Variants in ATP8A2 observed in about 807,000 individuals in gnomAD.
The protein encoded by ATP8A2 is phospholipid-transporting ATPase IB.
In ATP8A2, 100 loss-of-function variants were observed where a neutral mutation model predicts 165.6. That is an observed-to-expected ratio of 0.60 (90% CI 0.51 to 0.71). The LOEUF (loss-of-function observed/expected upper bound fraction) is 0.71, where lower values mean the gene tolerates loss of function less well. ATP8A2 is among the 30% of genes least tolerant of loss of function. ATP8A2 has a pLI of 0.00. For missense variants in ATP8A2, 1,227 were observed against 1,479.5 expected, an observed-to-expected ratio of 0.83 and a Z score of 2.80; for synonymous variants, 543 against 548.8, an observed-to-expected ratio of 0.99 and a Z score of 0.15.
chr13:25,949,015 C>T (rs1316541482), intron 33 of ATP8A2, among the ~76,000 whole-genome samples: 1 of 152,240 alleles, frequency 6.6e-6, no homozygotes, highest in African/African-American at 2.4e-5. Context: ...GGCCCTTCCT[C>T]AGCGGTGCCT....
chr13:25,682,628 G>A (rs1021031396), intron 24 of ATP8A2, among the ~76,000 whole-genome samples: 13 of 152,184 alleles, frequency 8.5e-5, no homozygotes, highest in Admixed American at 2.0e-4. Context: ...CAGGCTGGCC[G>A]ATTGAGTTAC....
At position 25,762,268 on chromosome 13, in the gene ATP8A2, C is replaced by CAAAAAAAAAAAA. The variant is rs59081934; in HGVS notation, c.2385-6761_2385-6750dup. 7.7e-4 allele frequency among the ~76,000 whole-genome samples: 32 copies of CAAAAAAAAAAAA among 41,308 alleles called. 9 individuals carry two copies. Among genetic ancestry groups the CAAAAAAAAAAAA allele is most frequent in the African/African-American group, 1.6e-3 (15 of 9,246 alleles). The allele number at this position is 41,308 out of a possible 152,430, so 27.1% of individuals were successfully genotyped here. ...TGGGTGATGGAGTGAGACTCTGTCTCAAAAAAAAAAAAAAAAAAAAAAAAA... is the reference window on the plus strand; with the variant it reads ...TGGGTGATGGAGTGAGACTCTGTCTCAAAAAAAAAAAAAAAAAAAAAAAAAAAAAAAAAAAAA... On this transcript the variant is annotated intron_variant, in intron 25 of 36. Transcript: ENST00000381655.
At chr13:25,929,072 G>C (rs139258251) in intron 33 of ATP8A2, among the ~76,000 whole-genome samples, 1 of 152,124 alleles carries the variant, frequency 6.6e-6, no homozygotes, top group East Asian at 1.9e-4. Context: ...GTTATGTTCT[G>C]CATCTCTGTG....
chr13:25,527,175 T>A (rs2037868407), intron 2 of ATP8A2, among the ~76,000 whole-genome samples: 1 of 152,208 alleles, frequency 6.6e-6, no homozygotes. Context: ...GCCACCATTT[T>A]GGAACCAGAA....
At chr13:25,808,353 C>T (rs1187268520) in intron 27 of ATP8A2, among the ~76,000 whole-genome samples, 3 of 151,988 alleles carry the variant, frequency 2.0e-5, no homozygotes, top group African/African-American at 7.2e-5. Context: ...AATCCCAGCA[C>T]TTTGGGAGGC....
intron 1 of ATP8A2, among the ~76,000 whole-genome samples, chr13:25,416,354 T>G (rs2034132697): frequency 6.6e-6 from 1 of 152,244 alleles, no homozygotes; most frequent in South Asian, 2.1e-4. Context: ...ATTGGCAGCC[T>G]GCAGATGGTA....
At chr13:25,553,945 C>T (rs1383485102) in intron 12 of ATP8A2, 25 bp downstream of exon 12, 1 of 1,596,790 alleles carries the variant, frequency 6.3e-7, no homozygotes, top group South Asian at 1.1e-5. Context: ...AGAGTTGAAT[C>T]ACTATTTTCC....
chr13:25,566,950 C>T (rs912035436), intron 16 of ATP8A2, among the ~76,000 whole-genome samples: 2 of 152,162 alleles, frequency 1.3e-5, no homozygotes, highest in Non-Finnish European at 2.9e-5. Context: ...AGAGGAATCC[C>T]ATTCTCTTTG....
chr13:25,714,239 CT>C (rs1403726430), intron 25 of ATP8A2, among the ~76,000 whole-genome samples: 2 of 152,170 alleles, frequency 1.3e-5, no homozygotes, highest in African/African-American at 2.4e-5. Flanking sequence ...CCCTTGCTTT[CT>C]GTGTCCCGGC....
intron 24 of ATP8A2, among the ~76,000 whole-genome samples, chr13:25,628,127 C>A (rs1593682303): frequency 6.6e-6 from 1 of 152,128 alleles, no homozygotes; most frequent in South Asian, 2.1e-4. Context: ...TTCCACAAAG[C>A]CTGACTGGAC....
intron 33 of ATP8A2, among the ~76,000 whole-genome samples, chr13:25,923,381 G>A (rs1207269709): frequency 1.3e-5 from 2 of 152,238 alleles, no homozygotes; most frequent in East Asian, 1.9e-4. Flanking sequence ...GTAAGCTGCA[G>A]TCCACAGCTG....
chr13:25,592,819 A>G (rs1218117559), intron 24 of ATP8A2, among the ~76,000 whole-genome samples: 5 of 152,220 alleles, frequency 3.3e-5, no homozygotes, highest in Non-Finnish European at 7.3e-5. Context: ...TTGTGACGCC[A>G]AACTGAGAAG....
intron 22 of ATP8A2, 68 bp downstream of exon 22, chr13:25,580,015 G>C (rs1023528294): frequency 8.2e-5 from 128 of 1,558,856 alleles, no homozygotes; most frequent in Non-Finnish European, 1.1e-4. Flanking sequence ...CAAAGTATTT[G>C]AACAGGAATC....
At chr13:25,705,155 C>G in intron 25 of ATP8A2, 2 of 431,360 alleles carry the variant, frequency 4.6e-6, no homozygotes, top group South Asian at 1.7e-5. Context: ...TTCCCTTTTT[C>G]TTTGAAGGTC....
At chr13:25,938,833 TC>T (rs1354350153) in intron 33 of ATP8A2, among the ~76,000 whole-genome samples, 2 of 150,622 alleles carry the variant, frequency 1.3e-5, no homozygotes, top group Non-Finnish European at 2.9e-5. Flanking sequence ...ATTTCCATCA[TC>T]CCTTCTCCTT....
chr13:25,450,617 C>T lies in ATP8A2; in HGVS notation c.77-18360C>T, dbSNP rs547516631. The stretch of plus-strand genomic sequence containing the variant: ...TGTGATCTCGGCTCACTGCAAGCTC[C>T]GCCTCCCGGGTTCACGCCATTCTCC... On this transcript the variant is annotated intron_variant, in intron 1 of 36. Coordinates refer to ENST00000381655, the MANE Select transcript of ATP8A2 (RefSeq NM_016529.6). Among the ~76,000 whole-genome samples the T allele has an allele frequency of 4.2e-4, 64 of 151,954 alleles. No individual in the cohort carries two copies. In the South Asian group the frequency reaches 4.6e-3, roughly 11 times the overall value.
intron 26 of ATP8A2, among the ~76,000 whole-genome samples, chr13:25,769,936 C>A (rs1364886472): frequency 6.6e-6 from 1 of 152,126 alleles, no homozygotes; most frequent in Admixed American, 6.5e-5. Context: ...AGGTCCACTC[C>A]GTAATGATAG....
At chr13:25,820,131 G>A (rs1264506393) in intron 27 of ATP8A2, among the ~76,000 whole-genome samples, 3 of 152,214 alleles carry the variant, frequency 2.0e-5, no homozygotes, top group East Asian at 1.9e-4. Flanking sequence ...ACAACCCGCC[G>A]AGGTTGGACG....
At chr13:25,825,534 A>G (rs536630604) in intron 27 of ATP8A2, among the ~76,000 whole-genome samples, 2 of 152,282 alleles carry the variant, frequency 1.3e-5, no homozygotes, top group East Asian at 3.9e-4. Flanking sequence ...TTGCAATAAA[A>G]TAAAATACCC....
Sources: gnomAD v4.1 joint callset for allele counts (sites outside exome capture counted in the v4.1 genomes callset) on GRCh38, gnomAD v4.1.1 for gene constraint, MANE v1.5 for transcripts, NCBI Gene and HGNC (gene_info 2026-07-23, HGNC 2026-07-21) for gene names.